Variants in APBB1IP observed in about 807,000 individuals in gnomAD.
APBB1IP encodes amyloid beta precursor protein binding family B member 1 interacting protein.
In APBB1IP, 27 loss-of-function variants were observed where a neutral mutation model predicts 64.9. That is an observed-to-expected ratio of 0.42 (90% CI 0.31 to 0.57). The LOEUF (loss-of-function observed/expected upper bound fraction) is 0.57. APBB1IP is among the 20% of genes least tolerant of loss of function. APBB1IP has a pLI of 0.20. For missense variants in APBB1IP, 812 were observed against 845.5 expected (o/e 0.96, Z 0.49); for synonymous variants, 392 against 331.0 (o/e 1.18, Z -2.00).
At chr10:26,497,339 C>T (rs1008750523) in intron 4 of APBB1IP, among the ~76,000 whole-genome samples, 6 of 152,030 alleles carry the variant, frequency 3.9e-5, no homozygotes, top group Non-Finnish European at 8.8e-5. Context: ...ATCACAAGGT[C>T]AGGAGATCGA....
chr10:26,504,154 C>G (rs995358979), intron 6 of APBB1IP, among the ~76,000 whole-genome samples: 1 of 152,154 alleles, frequency 6.6e-6, no homozygotes, highest in African/African-American at 2.4e-5. Context: ...TTTCCTATGC[C>G]CTGGGGCAGC....
intron 8 of APBB1IP, among the ~76,000 whole-genome samples, chr10:26,526,720 A>AAAT (rs140315723): frequency 1.0e-3 from 158 of 151,534 alleles, no homozygotes; most frequent in East Asian, 9.9e-3. Context: ...CTCTGTCTCA[A>AAAT]AATAATAATA....
At position 26,567,145 on chromosome 10, in the gene APBB1IP, TC is replaced by T; in HGVS notation, c.1660del (p.Leu554CysfsTer102). On this transcript the variant is annotated frameshift_variant, in exon 15 of 15. Transcript: ENST00000376236. LOFTEE classifies it low-confidence loss of function (END_TRUNC). ...GGGLPAPPDD[F>X]LPPPPPPPPL... ...GGCTTGCCCGCCCCACCCGACGACT[TC>T]CTGCCGCCGCCGCCACCGCCGCCGC... 1 of 1,418,040 alleles carries T rather than the reference TC, an allele frequency of 7.1e-7. No homozygotes were observed. The highest frequency in any genetic ancestry group is 9.1e-7 in the Non-Finnish European group (1 of 1,095,050). The allele number at this position is 1,418,040 out of a possible 1,614,324, so 87.8% of individuals were successfully genotyped here. A position where few individuals can be genotyped will look rare whatever the true frequency, so the allele number is the denominator to read the frequency against.
intron 11 of APBB1IP, among the ~76,000 whole-genome samples, chr10:26,545,618 G>GGC (rs1354054867): frequency 2.0e-5 from 3 of 152,084 alleles, no homozygotes; most frequent in African/African-American, 7.2e-5. Context: ...AAATTAGCCG[G>GGC]GCGTGGTAGC....
At chr10:26,541,539 C>G in intron 10 of APBB1IP, 43 bp from the exon 11 acceptor site, 1 of 1,328,994 alleles carries the variant, frequency 7.5e-7, no homozygotes, top group Non-Finnish European at 1.1e-6. Flanking sequence ...AAATTGTTAA[C>G]TGTCATCTCA....
intron 2 of APBB1IP, among the ~76,000 whole-genome samples, chr10:26,476,758 T>A (rs761120244): frequency 6.6e-6 from 1 of 152,138 alleles, no homozygotes; most frequent in Non-Finnish European, 1.5e-5. Context: ...CATATTCAAC[T>A]TTTCCAATTA....
At chr10:26,512,129 C>G (rs1836269074) in intron 7 of APBB1IP, among the ~76,000 whole-genome samples, 1 of 152,208 alleles carries the variant, frequency 6.6e-6, no homozygotes. Flanking sequence ...TGCGCCTGGC[C>G]TGGTTCATCC....
chr10:26,457,855 G>A (rs572790760), intron 2 of APBB1IP, among the ~76,000 whole-genome samples: 1 of 152,258 alleles, frequency 6.6e-6, no homozygotes, highest in African/African-American at 2.4e-5. Context: ...ACAAAGATCA[G>A]GGAAGATTTA....
chr10:26,512,222 T>C (rs916012744), intron 7 of APBB1IP, among the ~76,000 whole-genome samples: 1 of 152,206 alleles, frequency 6.6e-6, no homozygotes, highest in Non-Finnish European at 1.5e-5. Context: ...AGTGAAGAAC[T>C]TGGATTCTAG....
At chr10:26,457,766 A>T (rs903293189) in intron 2 of APBB1IP, among the ~76,000 whole-genome samples, 35 of 152,196 alleles carry the variant, frequency 2.3e-4, no homozygotes, top group African/African-American at 7.5e-4. Context: ...AGAGGAAGAC[A>T]CAGATAAGTA....
At chr10:26,444,322 A>G (rs1835368933) in intron 2 of APBB1IP, among the ~76,000 whole-genome samples, 1 of 152,136 alleles carries the variant, frequency 6.6e-6, no homozygotes, top group South Asian at 2.1e-4. Context: ...TAAAACTTTG[A>G]CTTTCACACC....
chr10:26,536,029 T>G, intron 9 of APBB1IP, 45 bp from the exon 10 acceptor site: 1 of 1,530,958 alleles, frequency 6.5e-7, no homozygotes, highest in Non-Finnish European at 8.7e-7. Context: ...AAATGCGTGC[T>G]TTATCTTTCG....
intron 2 of APBB1IP, among the ~76,000 whole-genome samples, chr10:26,483,085 C>T (rs1023246196): frequency 5.5e-5 from 5 of 90,606 alleles, no homozygotes; most frequent in Non-Finnish European, 8.4e-5. Context: ...AGCAAAACTC[C>T]ATCTGATAAA....
chr10:26,484,259 GT>G (rs1006477905), intron 2 of APBB1IP, among the ~76,000 whole-genome samples: 25 of 152,190 alleles, frequency 1.6e-4, no homozygotes, highest in African/African-American at 6.0e-4. Context: ...ATCTTAACAA[GT>G]TTTTTATTTC....
chr10:26,500,706 C>T, intron 4 of APBB1IP, 113 bp from the exon 5 acceptor site: 1 of 1,004,026 alleles, frequency 1.0e-6, no homozygotes, highest in African/African-American at 1.6e-5. Flanking sequence ...ATATCATAAC[C>T]AATCAAGATA....
chr10:26,512,691 C>T (rs1032280949), intron 7 of APBB1IP, among the ~76,000 whole-genome samples: 9 of 152,200 alleles, frequency 5.9e-5, no homozygotes, highest in African/African-American at 1.4e-4. Context: ...ACTGCAGCCT[C>T]GAGCTCCTGG....
intron 11 of APBB1IP, among the ~76,000 whole-genome samples, chr10:26,550,867 C>T (rs1181703870): frequency 1.3e-5 from 2 of 152,126 alleles, no homozygotes; most frequent in African/African-American, 4.8e-5. Flanking sequence ...TATGACCGTT[C>T]TTTTTTAGTG....
chr10:26,467,253 T>G (rs796742999), intron 2 of APBB1IP, among the ~76,000 whole-genome samples: 13 of 152,244 alleles, frequency 8.5e-5, no homozygotes, highest in African/African-American at 3.1e-4. Context: ...GGGATGCTGT[T>G]TTTTCCTCAT....
chr10:26,461,195 A>AGGAG (rs1835587831), intron 2 of APBB1IP, among the ~76,000 whole-genome samples: 1 of 151,976 alleles, frequency 6.6e-6, no homozygotes, highest in Non-Finnish European at 1.5e-5. Flanking sequence ...AAGGAAGGGA[A>AGGAG]GGAGGGAGGG....
Sources: allele counts gnomAD v4.1 joint callset (sites outside exome capture counted in the v4.1 genomes callset), GRCh38; gene constraint gnomAD v4.1.1; transcripts MANE v1.5; gene names NCBI Gene and HGNC (gene_info 2026-07-23, HGNC 2026-07-21).